PCM1: variants seen among roughly 807,000 people sequenced by gnomAD.
The protein encoded by PCM1 is pericentriolar material 1, also known as pericentriolar material 1 protein.
PCM1 carries 157 observed loss-of-function variants against 241.9 expected under a neutral mutation model. The observed-to-expected ratio is 0.65, with a 90% CI of 0.57 to 0.74. PCM1 has a LOEUF of 0.74. Ranked by LOEUF, PCM1 falls within the 30% of genes least tolerant of loss-of-function variation. The pLI is 0.00. For synonymous variants in PCM1, 1,085 were observed against 784.9 expected (o/e 1.38, Z -6.39); for missense variants, 3,478 against 2,360.1 (o/e 1.47, Z -9.81).
intron 8 of PCM1, 80 bp downstream of exon 8, chr8:17,950,804 A>G (rs774075354): frequency 1.3e-6 from 1 of 788,008 alleles, no homozygotes; most frequent in South Asian, 1.5e-5. Flanking sequence ...CAGTGAGCAT[A>G]CATATCACCT....
At position 18,029,678 on chromosome 8, in the gene PCM1, A is replaced by C. The variant is rs1340788314; in HGVS notation, c.*2016A>C. The C allele has an allele frequency of 1.0e-5, 2 of 198,896 alleles. No homozygotes were observed. The highest frequency in any genetic ancestry group is 2.1e-5 in the Non-Finnish European group (2 of 96,374). The allele number at this position is 198,896 out of a possible 1,614,324, so 12.3% of individuals were successfully genotyped here. On this transcript the variant is annotated 3_prime_UTR_variant, in exon 39 of 39. Coordinates refer to ENST00000325083, the MANE Select transcript of PCM1 (RefSeq NM_006197.4). ...TAAAATACGTAGGGTTTGAGAGCAGATATATTTATTTAATCTGTTTTCTCT... is the reference window on the plus strand; with the variant it reads ...TAAAATACGTAGGGTTTGAGAGCAGCTATATTTATTTAATCTGTTTTCTCT...
intron 36 of PCM1, 139 bp downstream of exon 36, chr8:18,014,979 C>G (rs906983878): frequency 4.2e-6 from 3 of 719,176 alleles, no homozygotes; most frequent in Non-Finnish European, 6.6e-6. Flanking sequence ...CTAATTCACA[C>G]TTTAACTTTA....
At chr8:17,999,858 C>G (rs971367327) in intron 29 of PCM1, among the ~76,000 whole-genome samples, 2 of 151,940 alleles carry the variant, frequency 1.3e-5, no homozygotes, top group African/African-American at 4.8e-5. Context: ...AATGGATCCA[C>G]AACATTCATT....
intron 29 of PCM1, 121 bp downstream of exon 29, chr8:17,993,740 C>G (rs2085610678): frequency 1.4e-6 from 1 of 708,342 alleles, no homozygotes; most frequent in Admixed American, 3.6e-5. Flanking sequence ...AAACTATCAC[C>G]CATAATTTTT....
At chr8:17,997,515 G>T (rs996584812) in intron 29 of PCM1, among the ~76,000 whole-genome samples, 5 of 151,964 alleles carry the variant, frequency 3.3e-5, no homozygotes, top group Non-Finnish European at 7.4e-5. Context: ...GATCCTGTAG[G>T]TGTGCTTTAT....
At chr8:17,981,493 C>T (rs1030257693) in intron 24 of PCM1, among the ~76,000 whole-genome samples, 1 of 152,064 alleles carries the variant, frequency 6.6e-6, no homozygotes, top group Non-Finnish European at 1.5e-5. Context: ...ATAAAAGCAC[C>T]AGTAGTTTCC....
intron 10 of PCM1, chr8:17,955,912 A>C (rs1000023189): frequency 4.2e-6 from 2 of 474,366 alleles, no homozygotes; most frequent in African/African-American, 2.0e-5. Context: ...GATTACAGTT[A>C]AAATATTTCT....
intron 10 of PCM1, chr8:17,955,995 C>A (rs2068224128): frequency 4.7e-5 from 14 of 300,368 alleles, no homozygotes; most frequent in South Asian, 4.5e-4. Context: ...GGCTGTGTTA[C>A]CCTGTACAAA....
rs780469872 is a variant in PCM1, at chr8:18,011,401, T to C, written c.5350+35T>C. On this transcript the variant is annotated intron_variant, in intron 33 of 38. Transcript: ENST00000325083. ...AAGGCTCTGTACTATCTTTATACTT[T>C]AGTTTTTTGTAGGTCATTTATTGGA... 1.2e-5 allele frequency: 17 copies of C among 1,463,162 alleles called. No individual in the cohort carries two copies. The South Asian group carries it at 1.9e-4, about 17-fold the overall frequency. The allele number at this position is 1,463,162 out of a possible 1,614,324, so 90.6% of individuals were successfully genotyped here. A position where few individuals can be genotyped will look rare whatever the true frequency, so the allele number is the denominator to read the frequency against.
intron 36 of PCM1, among the ~76,000 whole-genome samples, chr8:18,023,654 G>C (rs2093937983): frequency 6.6e-6 from 1 of 152,164 alleles, no homozygotes; most frequent in South Asian, 2.1e-4. Context: ...CTCCTCCATT[G>C]ATTTATTCAG....
intron 18 of PCM1, among the ~76,000 whole-genome samples, chr8:17,965,579 C>G (rs1197171338): frequency 6.6e-6 from 1 of 152,076 alleles, no homozygotes; most frequent in East Asian, 1.9e-4. Flanking sequence ...AAGAGTCTGC[C>G]AACAAAGATG....
At chr8:18,011,600 G>A (rs2129485604) in intron 33 of PCM1, 67 bp from the exon 34 acceptor site, 1 of 1,397,048 alleles carries the variant, frequency 7.2e-7, no homozygotes, top group Non-Finnish European at 9.8e-7. Context: ...CAGGAATGCA[G>A]TAAGTGGTAG....
At chr8:17,973,595 G>A (rs1411838085) in intron 23 of PCM1, among the ~76,000 whole-genome samples, 1 of 151,886 alleles carries the variant, frequency 6.6e-6, no homozygotes, top group African/African-American at 2.4e-5. Flanking sequence ...GGGCGTGCCT[G>A]TAATCCAGCT....
Position 17,964,605 on chromosome 8 carries a change from C to T in PCM1, c.2692C>T (p.Leu898=), listed in dbSNP as rs762539445. ...TTGGGGAGGGTCTACCCAGTGTGCA[C>T]TAGATGAAGAAGGAGATGAAGACGG... ...ATWGGSTQCA[L]DEEGDEDGYL... is the part of the protein sequence containing the mutation. Residue 898 remains leucine (L), a synonymous_variant, in exon 18 of 39, where the codon CTA becomes TTA. Transcript: ENST00000325083. The T allele has an allele frequency of 1.2e-6, 2 of 1,613,756 alleles. No individual in the cohort carries two copies. Among genetic ancestry groups the T allele is most frequent in the East Asian group, 2.2e-5 (1 of 44,868 alleles).
In PCM1 at chr8:18,023,189, C is replaced by G. The variant is rs78661427; in HGVS notation, c.5842-2172C>G. On this transcript the variant is annotated intron_variant, in intron 36 of 38. Transcript: ENST00000325083. Reference sequence around the variant, plus strand: ...ATATAAATGTTTTCACCTATATGGTCTGGACACTGTGGTTTGGGCTATTTC... The same window carrying G: ...ATATAAATGTTTTCACCTATATGGTGTGGACACTGTGGTTTGGGCTATTTC... Among the ~76,000 whole-genome samples, 3 of 152,204 alleles carry G rather than the reference C, an allele frequency of 2.0e-5. No homozygotes were observed. The East Asian group carries it at 5.8e-4, about 29-fold the overall frequency.
intron 36 of PCM1, among the ~76,000 whole-genome samples, chr8:18,023,457 T>C (rs1469763449): frequency 2.6e-5 from 4 of 152,220 alleles, no homozygotes; most frequent in South Asian, 4.1e-4. Context: ...AATGATACTT[T>C]CGATACTCTT....
At chr8:17,962,455 A>AAT (rs2072797098) in intron 16 of PCM1, among the ~76,000 whole-genome samples, 1 of 152,170 alleles carries the variant, frequency 6.6e-6, no homozygotes, top group Non-Finnish European at 1.5e-5. Context: ...TTTGTTAGTA[A>AAT]ATATTTGGCA....
chr8:17,933,878 G>A (rs2059706698), intron 2 of PCM1, among the ~76,000 whole-genome samples: 1 of 151,794 alleles, frequency 6.6e-6, no homozygotes, highest in African/African-American at 2.4e-5. Context: ...TGTCCTTCAT[G>A]TCTTATTTTA....
chr8:18,009,120 A>G (rs915572006), intron 30 of PCM1, among the ~76,000 whole-genome samples: 1 of 151,962 alleles, frequency 6.6e-6, no homozygotes, highest in Non-Finnish European at 1.5e-5. Context: ...TTAAATTAGA[A>G]TGGTTGTCTT....
Sources: gnomAD v4.1 joint callset for allele counts (sites outside exome capture counted in the v4.1 genomes callset) on GRCh38, gnomAD v4.1.1 for gene constraint, MANE v1.5 for transcripts, NCBI Gene and HGNC (gene_info 2026-07-23, HGNC 2026-07-21) for gene names.